ZHX3: variants seen among roughly 807,000 people sequenced by gnomAD.
ZHX3 encodes the protein zinc fingers and homeoboxes protein 3.
Under a neutral mutation model 64.5 loss-of-function variants are expected in ZHX3, and 20 were observed. The ratio of observed to expected loss-of-function variants is 0.31; its 90% CI spans 0.22 to 0.45. The LOEUF (loss-of-function observed/expected upper bound fraction) is 0.45, where lower values mean the gene tolerates loss of function less well. Among genes scored for constraint, ZHX3 ranks in the 20% least tolerant of loss-of-function variants. The pLI, the probability that ZHX3 is intolerant of heterozygous loss-of-function variation, is 1.00. For synonymous variants in ZHX3, 423 were observed against 461.6 expected, an observed-to-expected ratio of 0.92 and a Z score of 1.07; for missense variants, 1,041 against 1,195.8, an observed-to-expected ratio of 0.87 and a Z score of 1.91.
Position 41,204,295 on chromosome 20 carries a change from T to C in ZHX3, c.622A>G (p.Ser208Gly), listed in dbSNP as rs1172192048. 1.2e-5 allele frequency: 20 copies of C among 1,614,134 alleles called. No homozygotes were observed. The highest frequency in any genetic ancestry group is 1.7e-5 in the Non-Finnish European group (20 of 1,180,050). Residue 208 changes from serine (S) to glycine (G), a missense_variant, in exon 3 of 4, where the codon AGC becomes GGC. By Grantham distance (56) the Ser-to-Gly change is moderately conservative. Coordinates refer to ENST00000683867, the MANE Select transcript of ZHX3 (RefSeq NM_001384317.1). This position sits in a 1 kb window ranked among gnomAD's most constrained non-coding sequence, Gnocchi z 6.6. ...GGTAAGGCCTCACCCACAGGCTGGC[T>C]AGGGACATTCTCCTTGAGTGTATGA... ...KIHTLKENVPSQPVGEALPKL... is the reference protein window; with the variant it reads ...KIHTLKENVPGQPVGEALPKL...
chr20:41,203,210 G>T lies in ZHX3; in HGVS notation c.1707C>A (p.Asp569Glu). ...IPGDHSSIII[D>E]SVPEVSFSPS... ...GGGAGAAGGACACCTCTGGCACAGA[G>T]TCAATGATGATGGAACTGTGATCTC... Residue 569 changes from aspartate to glutamate, a missense_variant, in exon 3 of 4, where the codon GAC becomes GAA. Asp to Glu is a conservative substitution (Grantham distance 45). Around this residue, in one of 4 missense-constraint regions of ZHX3, gnomAD observed 649 missense variants for 739.8 expected, o/e 0.88. Coordinates refer to ENST00000683867, the MANE Select transcript of ZHX3 (RefSeq NM_001384317.1). This position sits in a 1 kb window ranked among gnomAD's most constrained non-coding sequence, Gnocchi z 7.1. 1 of 1,614,186 alleles carries T rather than the reference G, an allele frequency of 6.2e-7. No individual in the cohort carries two copies. The highest frequency in any genetic ancestry group is 8.5e-7 in the Non-Finnish European group (1 of 1,180,042).
chr20:41,236,125 T>C (rs12386247), intron 2 of ZHX3, among the ~76,000 whole-genome samples: 7 of 152,034 alleles, frequency 4.6e-5, no homozygotes, highest in African/African-American at 1.7e-4. Flanking sequence ...TAAAAGAGGA[T>C]ACAAACAAAT....
Position 41,185,695 on chromosome 20 carries a change from A to C in ZHX3, c.2861-494T>G, listed in dbSNP as rs1164225268. ...TAACATCAAAGTCAAAGTAAGGCTGATATCAGAGAGGTTCATCATCTGTGA... is the reference window on the plus strand; with the variant it reads ...TAACATCAAAGTCAAAGTAAGGCTGCTATCAGAGAGGTTCATCATCTGTGA... On this transcript the variant is annotated intron_variant, in intron 3 of 3. Transcript: ENST00000683867. This position sits in a 1 kb window ranked among gnomAD's most constrained non-coding sequence, Gnocchi z 5.0. 1 of 162,886 alleles carries C rather than the reference A, an allele frequency of 6.1e-6. No individual in the cohort carries two copies. Among genetic ancestry groups the C allele is most frequent in the Non-Finnish European group, 1.3e-5 (1 of 75,378 alleles). The allele number at this position is 162,886 out of a possible 1,614,324, so 10.1% of individuals were successfully genotyped here.
At chr20:41,215,319 C>T (rs1194580326) in intron 2 of ZHX3, among the ~76,000 whole-genome samples, 1 of 152,010 alleles carries the variant, frequency 6.6e-6, no homozygotes, top group Non-Finnish European at 1.5e-5. Context: ...AACAAAAGTG[C>T]ATAACTTTTT....
At chr20:41,215,031 A>T (rs1486646969) in intron 2 of ZHX3, among the ~76,000 whole-genome samples, 2 of 152,184 alleles carry the variant, frequency 1.3e-5, no homozygotes, top group Non-Finnish European at 2.9e-5. Context: ...AAACGAGTGG[A>T]TCACTTGAGG....
chr20:41,246,674 A>G (rs889825207), intron 2 of ZHX3, among the ~76,000 whole-genome samples: 2 of 152,132 alleles, frequency 1.3e-5, no homozygotes, highest in African/African-American at 2.4e-5. Context: ...GGAGTTTAAG[A>G]CCAGCCTGGC....
intron 1 of ZHX3, chr20:41,269,535 T>C (rs762624232): frequency 1.1e-4 from 16 of 151,860 alleles, no homozygotes; most frequent in Non-Finnish European, 1.8e-4. Flanking sequence ...CAAGGAACTG[T>C]TTTCATCTCT....
intron 1 of ZHX3, chr20:41,272,045 A>G (rs1173781472): frequency 6.6e-6 from 1 of 152,244 alleles, no homozygotes; most frequent in African/African-American, 2.4e-5. Flanking sequence ...ATTTTAAACA[A>G]GCTTTTTCAA....
chr20:41,247,742 T>A (rs1367112908), intron 2 of ZHX3, among the ~76,000 whole-genome samples: 2 of 152,130 alleles, frequency 1.3e-5, no homozygotes, highest in Non-Finnish European at 2.9e-5. Context: ...CCCTGTATGC[T>A]CCCCTGAATC....
At chr20:41,291,313 G>A (rs935914548) in intron 1 of ZHX3, among the ~76,000 whole-genome samples, 1 of 152,172 alleles carries the variant, frequency 6.6e-6, no homozygotes, top group Non-Finnish European at 1.5e-5. Context: ...GGAAGTAGAT[G>A]AGAAATGCTG....
At position 41,317,727 on chromosome 20, in the gene ZHX3, T is replaced by C. The variant is rs1401849671; in HGVS notation, c.-463A>G. 3 of 151,830 alleles carry C rather than the reference T, an allele frequency of 2.0e-5. No individual in the cohort carries two copies. Among genetic ancestry groups the C allele is most frequent in the African/African-American group, 7.3e-5 (3 of 41,362 alleles). The allele number at this position is 151,830 out of a possible 1,614,324, so 9.4% of individuals were successfully genotyped here. On this transcript the variant is annotated 5_prime_UTR_variant, in exon 1 of 4. Coordinates refer to ENST00000683867, the MANE Select transcript of ZHX3 (RefSeq NM_001384317.1). ...GGCCGCTCTCGGAGGCGCTCGGCTCTGCTCGGCCTTGCACGGCTCCCCTCG... is the reference window on the plus strand; with the variant it reads ...GGCCGCTCTCGGAGGCGCTCGGCTCCGCTCGGCCTTGCACGGCTCCCCTCG...
intron 2 of ZHX3, among the ~76,000 whole-genome samples, chr20:41,218,313 C>T (rs551953404): frequency 7.2e-5 from 11 of 152,022 alleles, no homozygotes; most frequent in Non-Finnish European, 1.3e-4. Context: ...CATGGTGACA[C>T]GCATGCTTGT....
At chr20:41,223,628 T>C (rs1302800391) in intron 2 of ZHX3, among the ~76,000 whole-genome samples, 1 of 152,222 alleles carries the variant, frequency 6.6e-6, no homozygotes, top group African/African-American at 2.4e-5. Context: ...AATAATAGTG[T>C]TTGCCCCTGG....
At chr20:41,215,077 T>C (rs926384021) in intron 2 of ZHX3, among the ~76,000 whole-genome samples, 2 of 151,982 alleles carry the variant, frequency 1.3e-5, no homozygotes, top group African/African-American at 2.4e-5. Flanking sequence ...AACAACATGG[T>C]GAAACCCCGT....
intron 2 of ZHX3, among the ~76,000 whole-genome samples, chr20:41,215,492 T>C (rs1277868828): frequency 6.6e-6 from 1 of 152,082 alleles, no homozygotes; most frequent in African/African-American, 2.4e-5. Context: ...TTAGGAACTT[T>C]AAAAAATTCT....
intron 1 of ZHX3, among the ~76,000 whole-genome samples, chr20:41,308,390 G>C (rs139794936): frequency 9.3e-4 from 141 of 152,248 alleles, no homozygotes; most frequent in African/African-American, 3.1e-3. Flanking sequence ...CTGAGGTGCT[G>C]CTATTCACCA....
At chr20:41,283,790 T>TTCACA (rs2043807508) in intron 1 of ZHX3, among the ~76,000 whole-genome samples, 1 of 151,938 alleles carries the variant, frequency 6.6e-6, no homozygotes, top group African/African-American at 2.4e-5. Context: ...CTATGGTCAC[T>TTCACA]GTGAGTCAAA....
intron 2 of ZHX3, among the ~76,000 whole-genome samples, chr20:41,208,747 C>G (rs528289132): frequency 6.6e-6 from 1 of 152,220 alleles, no homozygotes; most frequent in South Asian, 2.1e-4. Context: ...ACTGAATGGG[C>G]AAAAACTGGA....
intron 2 of ZHX3, among the ~76,000 whole-genome samples, chr20:41,235,087 G>T (rs970809989): frequency 2.6e-5 from 4 of 152,104 alleles, no homozygotes; most frequent in African/African-American, 9.7e-5. Context: ...TTATAATTTT[G>T]AATTATTGTA....
Sources: gnomAD v4.1 joint callset for allele counts (sites outside exome capture counted in the v4.1 genomes callset) on GRCh38, gnomAD v4.1.1 for gene constraint, gnomAD v4.1.1 regional missense constraint, Gnocchi (gnomAD v3.1) non-coding constraint, MANE v1.5 for transcripts, NCBI Gene and HGNC (gene_info 2026-07-23, HGNC 2026-07-21) for gene names.